The following KLF12 variants were observed in gnomAD, a reference collection of about 807,000 sequenced individuals.
The protein encoded by KLF12 is Krueppel-like factor 12.
A neutral mutation model predicts 37.8 loss-of-function variants in KLF12; 9 were observed. The observed-to-expected ratio is 0.24, with a 90% CI of 0.14 to 0.42. The LOEUF is 0.42. KLF12 is among the 10% of genes least tolerant of loss of function. The pLI, the probability that KLF12 is intolerant of heterozygous loss-of-function variation, is 1.00. For synonymous variants in KLF12, 208 were observed against 202.1 expected, an observed-to-expected ratio of 1.03 and a Z score of -0.25; for missense variants, 411 against 516.0, an observed-to-expected ratio of 0.80 and a Z score of 1.97.
chr13:74,064,133 A>AGCACCC (rs1873768990), intron 1 of KLF12, among the ~76,000 whole-genome samples: 1 of 152,176 alleles, frequency 6.6e-6, no homozygotes, highest in Admixed American at 6.5e-5. Flanking sequence ...AGTTCCTCTC[A>AGCACCC]CTATCTGTCC....
intron 2 of KLF12, among the ~76,000 whole-genome samples, chr13:73,981,430 G>A (rs1293928432): frequency 6.6e-6 from 1 of 151,950 alleles, no homozygotes. Context: ...ATTCATTTGT[G>A]GAAATAAATA....
intron 2 of KLF12, among the ~76,000 whole-genome samples, chr13:73,970,242 C>T (rs1891291877): frequency 6.6e-6 from 1 of 152,076 alleles, no homozygotes; most frequent in South Asian, 2.1e-4. Context: ...TTTCTTATCT[C>T]TAAAAATGGA....
the KLF12 span, among the ~76,000 whole-genome samples, chr13:74,282,909 A>G: frequency 1.3e-5 from 2 of 152,184 alleles, no homozygotes; most frequent in Non-Finnish European, 2.9e-5. Flanking sequence ...TTATGATTCT[A>G]ACCTCCTAGT....
intron 1 of KLF12, among the ~76,000 whole-genome samples, chr13:74,133,445 T>A (rs2139039981): frequency 6.6e-6 from 1 of 151,622 alleles, no homozygotes; most frequent in East Asian, 2.0e-4. Context: ...ACTTGATAAC[T>A]TCTTCTGGAA....
At chr13:73,806,108 TTTTC>T (rs1402669999) in intron 5 of KLF12, among the ~76,000 whole-genome samples, 10 of 128,898 alleles carry the variant, frequency 7.8e-5, no homozygotes, top group African/African-American at 2.5e-4. Context: ...CCAGTTTTTT[TTTTC>T]TTTCTTTTTT....
At chr13:74,187,242 C>A in the KLF12 span, among the ~76,000 whole-genome samples, 2 of 151,858 alleles carry the variant, frequency 1.3e-5, no homozygotes, top group Admixed American at 1.3e-4. Flanking sequence ...GACGATCACT[C>A]GAACCCAGAT....
Position 73,979,354 on chromosome 13 carries a change from AACACACAC to A in KLF12, c.33+15628_33+15635del, listed in dbSNP as rs71115629. On this transcript the variant is annotated intron_variant, in intron 2 of 7. Transcript: ENST00000377669. ...TTCTTTTAAAAACAGTCTGCTTTTA[AACACACAC>A]ACACACACACACACACACACACACA... 1.6e-3 allele frequency among the ~76,000 whole-genome samples: 220 copies of A among 139,708 alleles called. 1 individual carries two copies. Among genetic ancestry groups the A allele is most frequent in the South Asian group, 4.1e-3 (17 of 4,142 alleles). The allele number at this position is 139,708 out of a possible 152,430, so 91.7% of individuals were successfully genotyped here.
At chr13:74,112,334 A>G (rs1199131670) in intron 1 of KLF12, among the ~76,000 whole-genome samples, 2 of 149,832 alleles carry the variant, frequency 1.3e-5, no homozygotes, top group African/African-American at 4.9e-5. Flanking sequence ...AGTTCTTTAT[A>G]CAGGCATGCC....
chr13:73,820,162 T>C (rs1883445652), intron 4 of KLF12, among the ~76,000 whole-genome samples: 1 of 152,130 alleles, frequency 6.6e-6, no homozygotes, highest in African/African-American at 2.4e-5. Context: ...GCCTGGAGCA[T>C]AGTGGGGGAT....
intron 3 of KLF12, among the ~76,000 whole-genome samples, chr13:73,873,481 C>T (rs1886567311): frequency 6.6e-6 from 1 of 152,116 alleles, no homozygotes; most frequent in Admixed American, 6.6e-5. Context: ...TTAGAAACCA[C>T]AGCTTAAAAG....
At position 73,877,041 on chromosome 13, in the gene KLF12, T is replaced by C. The variant is rs985917893; in HGVS notation, c.124-30668A>G. ...AAAAAAAAAAAGAAAAGAAAAGAAATACTTTTTTGTTTGCTTGCTGTCTTA... is the reference window on the plus strand; with the variant it reads ...AAAAAAAAAAAGAAAAGAAAAGAAACACTTTTTTGTTTGCTTGCTGTCTTA... On this transcript the variant is annotated intron_variant, in intron 3 of 7. Coordinates refer to ENST00000377669, the MANE Select transcript of KLF12 (RefSeq NM_007249.5). Among the ~76,000 whole-genome samples, 3 of 151,510 alleles carry C rather than the reference T, an allele frequency of 2.0e-5. No homozygotes were observed. The East Asian group carries it at 5.8e-4, about 29-fold the overall frequency.
intron 1 of KLF12, among the ~76,000 whole-genome samples, chr13:74,063,383 G>A (rs993877359): frequency 2.0e-5 from 3 of 152,066 alleles, no homozygotes. Flanking sequence ...CATTCAGACT[G>A]CACTATTATT....
intron 4 of KLF12, among the ~76,000 whole-genome samples, chr13:73,839,093 CTT>C (rs371913126): frequency 1.2e-4 from 17 of 138,556 alleles, no homozygotes; most frequent in African/African-American, 1.6e-4. Flanking sequence ...ATGACATTAA[CTT>C]TTTTTTTTTT....
chr13:73,832,259 C>G (rs1330031226), intron 4 of KLF12, among the ~76,000 whole-genome samples: 1 of 152,172 alleles, frequency 6.6e-6, no homozygotes, highest in African/African-American at 2.4e-5. Context: ...GTCTGAAACA[C>G]TCCTACCTAC....
intron 5 of KLF12, among the ~76,000 whole-genome samples, chr13:73,785,058 T>TA (rs952028554): frequency 1.3e-5 from 2 of 151,984 alleles, no homozygotes; most frequent in Admixed American, 1.3e-4. Flanking sequence ...CCAGAGAAAT[T>TA]AGTCTTTTTT....
At chr13:73,840,167 T>C (rs912288000) in intron 4 of KLF12, among the ~76,000 whole-genome samples, 4 of 152,164 alleles carry the variant, frequency 2.6e-5, no homozygotes, top group East Asian at 1.9e-4. Context: ...CTGAGCAGCA[T>C]TTGATACCAT....
Position 74,046,867 on chromosome 13 carries a change from T to C in KLF12, c.-31-51814A>G, listed in dbSNP as rs534167937. Among the ~76,000 whole-genome samples, 8 of 152,338 alleles carry C rather than the reference T, an allele frequency of 5.3e-5. No homozygotes were observed. The East Asian group carries it at 7.7e-4, about 15-fold the overall frequency. ...TTTGCATTTTCCTTACTATACCATA[T>C]AAGACTTAAAATACCAAATTATATA... On this transcript the variant is annotated intron_variant, in intron 1 of 7. Transcript: ENST00000377669.
intron 2 of KLF12, among the ~76,000 whole-genome samples, chr13:73,965,885 A>G (rs1435882211): frequency 6.6e-6 from 1 of 152,196 alleles, no homozygotes; most frequent in East Asian, 1.9e-4. Flanking sequence ...TGTAGCTGCT[A>G]TGTAAATTAA....
intron 1 of KLF12, among the ~76,000 whole-genome samples, chr13:74,014,927 T>A (rs1892648929): frequency 6.6e-6 from 1 of 152,170 alleles, no homozygotes. Context: ...TTTGCCATGG[T>A]TAATTCAATA....
Sources: allele counts gnomAD v4.1 joint callset (sites outside exome capture counted in the v4.1 genomes callset), GRCh38; gene constraint gnomAD v4.1.1; transcripts MANE v1.5; gene names NCBI Gene and HGNC (gene_info 2026-07-23, HGNC 2026-07-21).